Variants in INPP4B observed in about 807,000 individuals in gnomAD.
INPP4B encodes inositol polyphosphate-4-phosphatase type II B.
INPP4B carries 55 observed loss-of-function variants against 122.5 expected under a neutral mutation model. That is an observed-to-expected ratio of 0.45 (90% CI 0.36 to 0.56). INPP4B has a LOEUF of 0.56. Ranked by LOEUF, INPP4B falls within the 20% of genes least tolerant of loss-of-function variation. The probability of loss-of-function intolerance (pLI) is 0.00; values close to 1 mark genes in which losing one functional copy is unlikely to be tolerated. For synonymous variants in INPP4B, 403 were observed against 388.7 expected (o/e 1.04, Z -0.43); for missense variants, 1,000 against 1,097.7 (o/e 0.91, Z 1.26).
intron 25 of INPP4B, among the ~76,000 whole-genome samples, chr4:142,064,656 C>G (rs1354617347): frequency 6.6e-6 from 1 of 151,944 alleles, no homozygotes; most frequent in Non-Finnish European, 1.5e-5. Flanking sequence ...TATATCTTGA[C>G]AGCTCTAATA....
chr4:142,703,616 T>C (rs1317726654), intron 2 of INPP4B, among the ~76,000 whole-genome samples: 1 of 152,212 alleles, frequency 6.6e-6, no homozygotes, highest in East Asian at 1.9e-4. Flanking sequence ...AAAAAGCTTG[T>C]TTTCTCTGGG....
intron 21 of INPP4B, among the ~76,000 whole-genome samples, chr4:142,113,148 T>C (rs1791107460): frequency 6.6e-6 from 1 of 152,060 alleles, no homozygotes; most frequent in Non-Finnish European, 1.5e-5. Context: ...GATGCGCTGA[T>C]GGAAAGGTAA....
At chr4:142,482,803 G>T (rs1323499723) in intron 2 of INPP4B, among the ~76,000 whole-genome samples, 1 of 151,934 alleles carries the variant, frequency 6.6e-6, no homozygotes, top group Non-Finnish European at 1.5e-5. Context: ...CTTCTCCTTT[G>T]TCTCATAGCA....
At chr4:142,670,515 A>G (rs1756842013) in intron 2 of INPP4B, among the ~76,000 whole-genome samples, 1 of 152,166 alleles carries the variant, frequency 6.6e-6, no homozygotes, top group African/African-American at 2.4e-5. Flanking sequence ...ATGAACCAGA[A>G]GGAAATTATG....
At chr4:142,398,600 C>T (rs2149101310) in intron 7 of INPP4B, among the ~76,000 whole-genome samples, 1 of 140,444 alleles carries the variant, frequency 7.1e-6, no homozygotes, top group Admixed American at 7.4e-5. Flanking sequence ...TCTTAAGAAG[C>T]CAATTTAGAA....
chr4:142,802,366 T>G (rs1561085327), intron 1 of INPP4B, among the ~76,000 whole-genome samples: 1 of 152,166 alleles, frequency 6.6e-6, no homozygotes, highest in Non-Finnish European at 1.5e-5. Context: ...ACAATTTACC[T>G]TTTTTTCCTG....
At chr4:142,351,813 A>G (rs922658586) in intron 7 of INPP4B, among the ~76,000 whole-genome samples, 3 of 152,022 alleles carry the variant, frequency 2.0e-5, no homozygotes, top group Non-Finnish European at 4.4e-5. Flanking sequence ...AGTTGGGGTT[A>G]AAATGTATTG....
At chr4:142,611,647 T>C (rs1183382158) in intron 2 of INPP4B, among the ~76,000 whole-genome samples, 1 of 132,308 alleles carries the variant, frequency 7.6e-6, no homozygotes, top group African/African-American at 2.9e-5. Flanking sequence ...CTTTTTTTTT[T>C]TTTTTTTTTT....
At chr4:142,772,031 C>A (rs868741120) in intron 1 of INPP4B, among the ~76,000 whole-genome samples, 4 of 152,048 alleles carry the variant, frequency 2.6e-5, no homozygotes, top group African/African-American at 9.7e-5. Context: ...ATCAAGAGTT[C>A]TCTGATCATG....
chr4:142,778,017 G>T (rs1234822578), intron 1 of INPP4B, among the ~76,000 whole-genome samples: 1 of 152,104 alleles, frequency 6.6e-6, no homozygotes, highest in East Asian at 1.9e-4. Flanking sequence ...TAAGAACGTG[G>T]CCTTGTGTAA....
chr4:142,336,169 T>C (rs1284062775), intron 7 of INPP4B, among the ~76,000 whole-genome samples: 1 of 152,200 alleles, frequency 6.6e-6, no homozygotes, highest in African/African-American at 2.4e-5. Context: ...CTTAATAAAA[T>C]TCTTCTCTGC....
At chr4:142,498,985 C>T (rs1823011651) in intron 2 of INPP4B, among the ~76,000 whole-genome samples, 1 of 152,092 alleles carries the variant, frequency 6.6e-6, no homozygotes, top group Non-Finnish European at 1.5e-5. Flanking sequence ...CTGTGTGACT[C>T]TGTAAATATT....
chr4:142,613,413 T>G (rs1743002194), intron 2 of INPP4B, among the ~76,000 whole-genome samples: 1 of 152,162 alleles, frequency 6.6e-6, no homozygotes, highest in African/African-American at 2.4e-5. Context: ...ATTACAAAAC[T>G]AAAAGACTGT....
At chr4:142,265,991 T>A (rs1742579489) in intron 10 of INPP4B, among the ~76,000 whole-genome samples, 1 of 152,196 alleles carries the variant, frequency 6.6e-6, no homozygotes, top group Non-Finnish European at 1.5e-5. Flanking sequence ...GAAAAGTGGC[T>A]GGTAATATAT....
intron 2 of INPP4B, among the ~76,000 whole-genome samples, chr4:142,548,048 T>C (rs2150064450): frequency 6.6e-6 from 1 of 152,288 alleles, no homozygotes; most frequent in South Asian, 2.1e-4. Context: ...GAGGTTACAC[T>C]TGAGGTGGGA....
At chr4:142,260,763 A>G (rs765228488) in intron 10 of INPP4B, among the ~76,000 whole-genome samples, 199 bp from the exon 11 acceptor site, 1 of 152,182 alleles carries the variant, frequency 6.6e-6, no homozygotes, top group African/African-American at 2.4e-5. Flanking sequence ...TATACAGAAT[A>G]TGCTTATATT....
At chr4:142,067,937 C>T (rs530736774) in intron 25 of INPP4B, among the ~76,000 whole-genome samples, 19 of 152,198 alleles carry the variant, frequency 1.2e-4, no homozygotes, top group African/African-American at 3.4e-4. Flanking sequence ...ACTTCCCCAA[C>T]ATAGCAAGGC....
At position 142,537,429 on chromosome 4, in the gene INPP4B, TAGAGAGAGAGAGAGAGAGAG is replaced by T. The variant is rs1157643466; in HGVS notation, c.-190-74723_-190-74704del. Among the ~76,000 whole-genome samples the T allele has an allele frequency of 4.7e-4, 12 of 25,484 alleles. 1 individual carries two copies. The highest frequency in any genetic ancestry group is 5.9e-4 in the African/African-American group (5 of 8,424). The allele number at this position is 25,484 out of a possible 152,430, so 16.7% of individuals were successfully genotyped here. A position where few individuals can be genotyped will look rare whatever the true frequency, so the allele number is the denominator to read the frequency against. ...ATATATATATATATATATATATATA[TAGAGAGAGAGAGAGAGAGAG>T]AGAGAGAGAGAGAGAGAGAGAGATA... On this transcript the variant is annotated intron_variant, in intron 2 of 25. Transcript: ENST00000262992.
At chr4:142,628,995 C>G (rs1375571092) in intron 2 of INPP4B, among the ~76,000 whole-genome samples, 1 of 152,050 alleles carries the variant, frequency 6.6e-6, no homozygotes, top group Admixed American at 6.6e-5. Context: ...CTTCTCTATT[C>G]TCACCCATTT....
Sources: gnomAD v4.1 joint callset for allele counts (sites outside exome capture counted in the v4.1 genomes callset) on GRCh38, gnomAD v4.1.1 for gene constraint, MANE v1.5 for transcripts, NCBI Gene and HGNC (gene_info 2026-07-23, HGNC 2026-07-21) for gene names.